CRB1: variants seen among roughly 807,000 people sequenced by gnomAD.
CRB1 encodes the protein crumbs cell polarity complex component 1.
A neutral mutation model predicts 120.0 loss-of-function variants in CRB1; 83 were observed. That is an observed-to-expected ratio of 0.69 (90% CI 0.58 to 0.83). CRB1 has a LOEUF of 0.83. CRB1 is among the 40% of genes least tolerant of loss of function. CRB1 has a pLI of 0.00. For missense variants in CRB1, 1,699 were observed against 1,687.6 expected (o/e 1.01, Z -0.12); for synonymous variants, 625 against 612.5 (o/e 1.02, Z -0.30).
At chr1:197,376,626 A>G (rs1571426262) in intron 5 of CRB1, among the ~76,000 whole-genome samples, 1 of 151,774 alleles carries the variant, frequency 6.6e-6, no homozygotes, top group Non-Finnish European at 1.5e-5. Context: ...CATACTTCCC[A>G]CCTCTACCAT....
At chr1:197,448,156 G>C (rs1282583048) in intron 11 of CRB1, among the ~76,000 whole-genome samples, 1 of 151,930 alleles carries the variant, frequency 6.6e-6, no homozygotes, top group Non-Finnish European at 1.5e-5. Flanking sequence ...AGACTGTTGT[G>C]TTATTTCAAG....
At chr1:197,417,979 T>G (rs1393050169) in intron 5 of CRB1, among the ~76,000 whole-genome samples, 1 of 152,048 alleles carries the variant, frequency 6.6e-6, no homozygotes, top group Admixed American at 6.5e-5. Flanking sequence ...TTGCTTTGTT[T>G]TTTTTTTTAA....
At chr1:197,239,370 T>C in the CRB1 span, among the ~76,000 whole-genome samples, 2 of 152,146 alleles carry the variant, frequency 1.3e-5, no homozygotes, top group Non-Finnish European at 2.9e-5. Flanking sequence ...TCAAGTTCTA[T>C]CAATTTTTGC....
rs1664316358 is a variant in CRB1, at chr1:197,421,513, C to T, written c.1685C>T (p.Thr562Ile). 6.2e-7 allele frequency: 1 copy of T among 1,614,092 alleles called. No individual in the cohort carries two copies. The highest frequency in any genetic ancestry group is 1.7e-5 in the Admixed American group (1 of 60,006). The change falls in exon 6 of 12, where the codon ACC (threonine) becomes ATC (isoleucine). Residue 562 changes from threonine (T) to isoleucine (I), a missense_variant. Coordinates refer to ENST00000367400, the MANE Select transcript of CRB1 (RefSeq NM_201253.3). ...SKVLLFISHN[T>I]SDGEWHFVEV... ...GTGCTTCTGTTCATTTCCCACAACACCAGCGATGGAGAGTGGCATTTCGTG... is the reference window on the plus strand; with the variant it reads ...GTGCTTCTGTTCATTTCCCACAACATCAGCGATGGAGAGTGGCATTTCGTG...
intron 11 of CRB1, among the ~76,000 whole-genome samples, chr1:197,464,513 G>A (rs1203313775): frequency 1.3e-5 from 2 of 152,000 alleles, no homozygotes; most frequent in Non-Finnish European, 2.9e-5. Flanking sequence ...GTTGTTTGGG[G>A]TATGGGAAAA....
chr1:197,387,438 T>C (rs1278149044), intron 5 of CRB1, among the ~76,000 whole-genome samples: 2 of 152,116 alleles, frequency 1.3e-5, no homozygotes, highest in Non-Finnish European at 2.9e-5. Context: ...CTCCCTTTCT[T>C]CTAGATTTTT....
intron 11 of CRB1, among the ~76,000 whole-genome samples, chr1:197,453,425 CAAGTA>C (rs1186117352): frequency 6.9e-6 from 1 of 145,722 alleles, no homozygotes; most frequent in Non-Finnish European, 1.5e-5. Context: ...AGCATACTTA[CAAGTA>C]TAGTAGTATA....
At chr1:197,229,952 T>C in the CRB1 span, among the ~76,000 whole-genome samples, 4 of 152,210 alleles carry the variant, frequency 2.6e-5, no homozygotes, top group Non-Finnish European at 5.9e-5. Flanking sequence ...GATTCAGCCA[T>C]ATGTAATAAC....
At chr1:197,246,046 G>A in the CRB1 span, among the ~76,000 whole-genome samples, 25,510 of 152,026 alleles carry the variant, frequency 0.17, 2,358 homozygotes, top group Middle Eastern at 0.25. Context: ...ACTGTTGGGC[G>A]TGCCAGGAAA....
intron 11 of CRB1, among the ~76,000 whole-genome samples, chr1:197,474,819 T>C (rs1022421576): frequency 2.6e-5 from 4 of 152,112 alleles, no homozygotes; most frequent in African/African-American, 7.2e-5. Flanking sequence ...TAAGATGAAA[T>C]CAACATCTAA....
intron 6 of CRB1, among the ~76,000 whole-genome samples, chr1:197,422,456 T>C (rs1462579919): frequency 6.6e-6 from 1 of 151,774 alleles, no homozygotes; most frequent in Non-Finnish European, 1.5e-5. Context: ...TAATTAAGCA[T>C]AGCGTTTTTA....
At chr1:197,271,216 G>A (rs925705003) in intron 1 of CRB1, among the ~76,000 whole-genome samples, 1 of 151,782 alleles carries the variant, frequency 6.6e-6, no homozygotes, top group South Asian at 2.1e-4. Context: ...AAAAAGAAAG[G>A]GAGAAAGAAA....
chr1:197,393,958 T>C (rs1273829748), intron 5 of CRB1, among the ~76,000 whole-genome samples: 1 of 152,152 alleles, frequency 6.6e-6, no homozygotes, highest in African/African-American at 2.4e-5. Flanking sequence ...TCTCCCTATA[T>C]ATAAATAGTG....
At chr1:197,377,160 A>C (rs1034447434) in intron 5 of CRB1, among the ~76,000 whole-genome samples, 2 of 151,986 alleles carry the variant, frequency 1.3e-5, no homozygotes, top group Admixed American at 6.6e-5. Context: ...TACCCTTATT[A>C]ATTTCTTCAT....
At chr1:197,347,941 T>C (rs1404533080) in intron 4 of CRB1, among the ~76,000 whole-genome samples, 1 of 142,282 alleles carries the variant, frequency 7.0e-6, no homozygotes, top group East Asian at 1.9e-4. Context: ...AAAGTTTACA[T>C]ATAGAGGATA....
chr1:197,474,250 A>G (rs189863597), intron 11 of CRB1, among the ~76,000 whole-genome samples: 2 of 152,318 alleles, frequency 1.3e-5, no homozygotes, highest in Non-Finnish European at 1.5e-5. Flanking sequence ...ATTCCATTTT[A>G]TAAATGATGA....
chr1:197,450,926 C>T (rs1392881340), intron 11 of CRB1, among the ~76,000 whole-genome samples: 1 of 126,812 alleles, frequency 7.9e-6, no homozygotes, highest in Non-Finnish European at 1.6e-5. Context: ...TGCCACTGCA[C>T]TCCAGCCTGG....
chr1:197,427,015 A>T (rs1664617730), intron 6 of CRB1, among the ~76,000 whole-genome samples: 1 of 152,198 alleles, frequency 6.6e-6, no homozygotes, highest in South Asian at 2.1e-4. Context: ...AGCAAAGATT[A>T]TGACTCCCTG....
At chr1:197,268,511 C>T (rs762365843) in intron 1 of CRB1, 29 bp downstream of exon 1, 2 of 1,489,746 alleles carry the variant, frequency 1.3e-6, no homozygotes, top group South Asian at 2.3e-5. Context: ...GGGCATTTTT[C>T]CTGGTTTATT....
Sources: gnomAD v4.1 joint callset for allele counts (sites outside exome capture counted in the v4.1 genomes callset) on GRCh38, gnomAD v4.1.1 for gene constraint, MANE v1.5 for transcripts, NCBI Gene and HGNC (gene_info 2026-07-23, HGNC 2026-07-21) for gene names.